The following ASTN2 variants were observed in gnomAD, a reference collection of about 807,000 sequenced individuals.
The protein encoded by ASTN2 is astrotactin 2.
ASTN2 carries 54 observed loss-of-function variants against 139.8 expected under a neutral mutation model. That is an observed-to-expected ratio of 0.39 (90% confidence interval 0.31 to 0.48). ASTN2 has a LOEUF of 0.48. Among genes scored for constraint, ASTN2 ranks in the 20% least tolerant of loss-of-function variants. The pLI is 0.95. For synonymous variants in ASTN2, 756 were observed against 719.5 expected (o/e 1.05, Z -0.81); for missense variants, 1,565 against 1,725.1 (o/e 0.91, Z 1.64).
At chr9:116,946,722 T>A (rs1394967972) in intron 10 of ASTN2, among the ~76,000 whole-genome samples, 2 of 151,810 alleles carry the variant, frequency 1.3e-5, no homozygotes. Flanking sequence ...AAGAGGAAGG[T>A]CTAATCTTGG....
At chr9:116,794,148 A>G (rs1250015107) in intron 13 of ASTN2, among the ~76,000 whole-genome samples, 2 of 133,130 alleles carry the variant, frequency 1.5e-5, no homozygotes, top group African/African-American at 5.6e-5. Flanking sequence ...CCCAAGCTGG[A>G]GTGCAATGGT....
chr9:117,203,767 C>T (rs980108957), intron 3 of ASTN2, among the ~76,000 whole-genome samples: 1 of 152,152 alleles, frequency 6.6e-6, no homozygotes, highest in Non-Finnish European at 1.5e-5. Flanking sequence ...AGGCACCAAC[C>T]TGATGCCAGT....
chr9:116,761,647 G>C (rs1292547098), intron 13 of ASTN2, among the ~76,000 whole-genome samples: 1 of 152,138 alleles, frequency 6.6e-6, no homozygotes, highest in African/African-American at 2.4e-5. Flanking sequence ...AGAAATGGGT[G>C]ATAGCAGGTA....
chr9:116,595,935 C>T (rs1350608540), intron 19 of ASTN2, among the ~76,000 whole-genome samples: 1 of 152,110 alleles, frequency 6.6e-6, no homozygotes, highest in Admixed American at 6.5e-5. Flanking sequence ...GGATTTATAT[C>T]CAAAATAATT....
At chr9:117,278,143 G>T (rs1232043686) in intron 2 of ASTN2, among the ~76,000 whole-genome samples, 3 of 152,172 alleles carry the variant, frequency 2.0e-5, no homozygotes, top group Non-Finnish European at 2.9e-5. Context: ...GCAGGACAAG[G>T]TCCTCCGTCA....
At chr9:116,487,228 A>G in intron 20 of ASTN2, 131 bp downstream of exon 20, 1 of 1,183,448 alleles carries the variant, frequency 8.4e-7, no homozygotes, top group Non-Finnish European at 1.2e-6. Context: ...AAACCTTAGA[A>G]TCTCAAGTTG....
intron 16 of ASTN2, among the ~76,000 whole-genome samples, chr9:116,695,048 G>A (rs967019405): frequency 2.0e-5 from 3 of 152,108 alleles, no homozygotes; most frequent in East Asian, 1.9e-4. Context: ...GAGAAAATGC[G>A]TATGCTATAA....
chr9:117,273,774 C>T (rs529877735), intron 2 of ASTN2, among the ~76,000 whole-genome samples: 1 of 152,216 alleles, frequency 6.6e-6, no homozygotes, highest in South Asian at 2.1e-4. Context: ...AGACCAAAAT[C>T]TGCACAAGCA....
chr9:117,142,135 T>A (rs538582546), intron 3 of ASTN2, among the ~76,000 whole-genome samples: 32 of 152,310 alleles, frequency 2.1e-4, no homozygotes, highest in African/African-American at 7.7e-4. Flanking sequence ...AGGAGGCTTA[T>A]GGGAGATGAG....
intron 5 of ASTN2, among the ~76,000 whole-genome samples, chr9:117,047,867 C>G (rs1838790455): frequency 6.6e-6 from 1 of 152,016 alleles, no homozygotes; most frequent in South Asian, 2.1e-4. Context: ...TTATCATCAT[C>G]ATCACTACCA....
chr9:116,800,961 T>C (rs1440098778), intron 13 of ASTN2, among the ~76,000 whole-genome samples: 1 of 151,942 alleles, frequency 6.6e-6, no homozygotes, highest in Admixed American at 6.6e-5. Context: ...AGTTGCTAGG[T>C]GGGGTGATCT....
At chr9:116,718,663 A>G (rs1402331741) in intron 16 of ASTN2, among the ~76,000 whole-genome samples, 1 of 152,016 alleles carries the variant, frequency 6.6e-6, no homozygotes, top group Non-Finnish European at 1.5e-5. Context: ...AATAGAACCA[A>G]AAGGTTGACC....
intron 1 of ASTN2, among the ~76,000 whole-genome samples, chr9:117,353,082 A>G (rs1829434695): frequency 6.6e-6 from 1 of 152,208 alleles, no homozygotes; most frequent in Non-Finnish European, 1.5e-5. Flanking sequence ...AGTGTTGGAA[A>G]TACATGGTGT....
chr9:116,940,085 T>A (rs957623386), intron 10 of ASTN2, among the ~76,000 whole-genome samples: 3 of 152,208 alleles, frequency 2.0e-5, no homozygotes, highest in African/African-American at 7.2e-5. Context: ...CTGGTTTAAG[T>A]ATTTATTCTA....
At chr9:117,080,170 A>G (rs1395185867) in intron 5 of ASTN2, among the ~76,000 whole-genome samples, 1 of 152,236 alleles carries the variant, frequency 6.6e-6, no homozygotes, top group African/African-American at 2.4e-5. Flanking sequence ...GGGTAAATAC[A>G]TGCATAATAT....
In ASTN2 at chr9:116,438,910, A is replaced by C. The variant is rs1847742669; in HGVS notation, c.3782+1699T>G. 2.6e-5 allele frequency among the ~76,000 whole-genome samples: 4 copies of C among 152,210 alleles called. No individual in the cohort carries two copies. In the South Asian group the frequency reaches 8.3e-4, roughly 32 times the overall value. On this transcript the variant is annotated intron_variant, in intron 22 of 22. Coordinates refer to ENST00000313400, the MANE Select transcript of ASTN2 (RefSeq NM_001365068.1). ...GGTTGCAGTGAGCCAAGATAGCACC[A>C]TTGCTCTCCAGCCTGGCCAATAACA...
At chr9:116,978,522 C>CACACACACAG (rs138804229) in intron 7 of ASTN2, among the ~76,000 whole-genome samples, 29 of 150,280 alleles carry the variant, frequency 1.9e-4, no homozygotes, top group South Asian at 6.3e-4. Context: ...CACACACACA[C>CACACACACAG]AGAGAGATAA....
At chr9:117,024,406 G>GT (rs893377167) in intron 6 of ASTN2, among the ~76,000 whole-genome samples, 4 of 143,882 alleles carry the variant, frequency 2.8e-5, no homozygotes, top group East Asian at 3.9e-4. Context: ...TCTCAGAATT[G>GT]TTTTTTTTTA....
chr9:116,425,592 A>C lies in ASTN2; in HGVS notation c.*259T>G. 6.2e-7 allele frequency: 1 copy of C among 1,613,436 alleles called. No individual in the cohort carries two copies. The highest frequency in any genetic ancestry group is 8.5e-7 in the Non-Finnish European group (1 of 1,179,848). On this transcript the variant is annotated 3_prime_UTR_variant, in exon 23 of 23. Coordinates refer to ENST00000313400, the MANE Select transcript of ASTN2 (RefSeq NM_001365068.1). ...GACAGCCATCCATAAGAAAAGGTTT[A>C]AAAAGGAGAGACTTTTGATAGAGTC...
Sources: allele counts gnomAD v4.1 joint callset (sites outside exome capture counted in the v4.1 genomes callset), GRCh38; gene constraint gnomAD v4.1.1; transcripts MANE v1.5; gene names NCBI Gene and HGNC (gene_info 2026-07-23, HGNC 2026-07-21).